Variants in KCNU1 observed in about 807,000 individuals in gnomAD.
KCNU1 encodes potassium calcium-activated channel subfamily U member 1, also known as potassium channel subfamily U member 1.
KCNU1 carries 93 observed loss-of-function variants against 126.8 expected under a neutral mutation model. The ratio of observed to expected loss-of-function variants is 0.73; its 90% CI spans 0.62 to 0.87. KCNU1 has a LOEUF of 0.87. KCNU1 is among the 40% of genes least tolerant of loss of function. The pLI is 0.00. For synonymous variants in KCNU1, 523 were observed against 494.2 expected (o/e 1.06, Z -0.77); for missense variants, 1,330 against 1,367.1 (o/e 0.97, Z 0.43).
intron 19 of KCNU1, among the ~76,000 whole-genome samples, chr8:36,882,240 C>T (rs988748126): frequency 6.6e-6 from 1 of 152,208 alleles, no homozygotes. Flanking sequence ...TTACCAATCA[C>T]ACCTGAAACC....
At chr8:36,918,944 T>C in intron 23 of KCNU1, 47 bp downstream of exon 23, 1 of 1,159,006 alleles carries the variant, frequency 8.6e-7, no homozygotes, top group East Asian at 2.3e-5. Flanking sequence ...ATTTTTGTGA[T>C]ATATAATTTA....
intron 6 of KCNU1, among the ~76,000 whole-genome samples, chr8:36,807,813 T>TA (rs5890879): frequency 0.24 from 35,144 of 147,038 alleles, 4,772 homozygotes; most frequent in African/African-American, 0.37. Context: ...CCTGGCTAGG[T>TA]AAAAAAAAAA....
At chr8:36,869,371 A>G (rs911600564) in intron 19 of KCNU1, among the ~76,000 whole-genome samples, 6 of 152,168 alleles carry the variant, frequency 3.9e-5, no homozygotes, top group Non-Finnish European at 7.4e-5. Context: ...CTTATGGCCC[A>G]TATTGAAATC....
At chr8:36,800,531 T>A (rs944830005) in intron 2 of KCNU1, among the ~76,000 whole-genome samples, 1 of 152,228 alleles carries the variant, frequency 6.6e-6, no homozygotes. Flanking sequence ...AAGAGGTTCC[T>A]CCTCTGAGAG....
intron 2 of KCNU1, among the ~76,000 whole-genome samples, chr8:36,796,890 A>T (rs1351243100): frequency 1.3e-5 from 2 of 152,046 alleles, no homozygotes; most frequent in African/African-American, 2.4e-5. Context: ...GATCTATTTT[A>T]TTGGTATTTA....
intron 21 of KCNU1, 95 bp from the exon 22 acceptor site, chr8:36,910,834 CA>C: frequency 1.2e-6 from 1 of 842,644 alleles, no homozygotes; most frequent in Non-Finnish European, 1.8e-6. Context: ...GCTCAAAGCT[CA>C]AAAATTACAT....
intron 19 of KCNU1, among the ~76,000 whole-genome samples, chr8:36,882,357 C>A (rs1472803309): frequency 6.6e-6 from 1 of 152,114 alleles, no homozygotes; most frequent in Non-Finnish European, 1.5e-5. Flanking sequence ...TGTCCTTAAC[C>A]CAGAGACAGA....
At chr8:36,820,564 T>A (rs1804084862) in intron 10 of KCNU1, among the ~76,000 whole-genome samples, 1 of 151,370 alleles carries the variant, frequency 6.6e-6, no homozygotes, top group African/African-American at 2.4e-5. Flanking sequence ...CAAAAGAAAG[T>A]CATTTACTCT....
chr8:36,924,951 G>T (rs1808484929), intron 24 of KCNU1, among the ~76,000 whole-genome samples: 1 of 152,142 alleles, frequency 6.6e-6, no homozygotes, highest in Non-Finnish European at 1.5e-5. Flanking sequence ...ACAGGGAAGG[G>T]CTGGAAGAGT....
rs183027497 is a variant in KCNU1 at position 36,802,824 on chromosome 8, A to C, written c.316-1203A>C. Among the ~76,000 whole-genome samples, 15 of 152,258 alleles carry C rather than the reference A, an allele frequency of 9.9e-5. No individual in the cohort carries two copies. In the East Asian group the frequency reaches 2.9e-3, roughly 29 times the overall value. On this transcript the variant is annotated intron_variant, in intron 2 of 26. Coordinates refer to ENST00000399881, the MANE Select transcript of KCNU1 (RefSeq NM_001031836.3). ...TGCATATTAATTATCTTCATTTGTC[A>C]TCCAGGCTGTGATGTCAATGTGGGG...
At chr8:36,905,928 A>G (rs1439253654) in intron 20 of KCNU1, 124 bp downstream of exon 20, 2 of 567,418 alleles carry the variant, frequency 3.5e-6, no homozygotes, top group African/African-American at 2.0e-5. Flanking sequence ...CAAAAAAAGA[A>G]AAAAACCCAC....
chr8:36,891,321 TC>T (rs1806953398), intron 19 of KCNU1, among the ~76,000 whole-genome samples: 1 of 152,058 alleles, frequency 6.6e-6, no homozygotes, highest in Admixed American at 6.6e-5. Flanking sequence ...TAGCTCCATT[TC>T]TTTGCCCAAC....
chr8:36,822,638 T>C (rs908837865), intron 10 of KCNU1, among the ~76,000 whole-genome samples: 1 of 152,186 alleles, frequency 6.6e-6, no homozygotes, highest in African/African-American at 2.4e-5. Flanking sequence ...AAATAAAATA[T>C]TAACTTATAT....
intron 26 of KCNU1, among the ~76,000 whole-genome samples, chr8:36,934,715 G>T (rs1186738827): frequency 6.6e-6 from 1 of 152,070 alleles, no homozygotes; most frequent in Non-Finnish European, 1.5e-5. Context: ...TGAGATCTAT[G>T]CTAGGAAAGA....
intron 4 of KCNU1, among the ~76,000 whole-genome samples, chr8:36,805,967 C>CTGGGTAGCTGGGATTA (rs1711806981): frequency 1.3e-5 from 2 of 152,154 alleles, no homozygotes; most frequent in African/African-American, 2.4e-5. Flanking sequence ...CTTCGGCCTC[C>CTGGGTAGCTGGGATTA]TGGGTAGCTG....
chr8:36,809,220 C>T (rs74738626), intron 7 of KCNU1, among the ~76,000 whole-genome samples: 5,837 of 152,178 alleles, frequency 0.038, 163 homozygotes, highest in Middle Eastern at 0.16. Flanking sequence ...CTTTCTTGAT[C>T]CTCCTGAAAT....
At chr8:36,826,501 C>T (rs576584862) in intron 10 of KCNU1, among the ~76,000 whole-genome samples, 330 of 152,238 alleles carry the variant, frequency 2.2e-3, no homozygotes, top group African/African-American at 7.6e-3. Flanking sequence ...TGAGCCACTG[C>T]GCTAGGCCGT....
chr8:36,896,959 A>G (rs965409905), intron 19 of KCNU1, among the ~76,000 whole-genome samples: 2 of 151,988 alleles, frequency 1.3e-5, no homozygotes, highest in African/African-American at 4.8e-5. Context: ...CACAGTACAC[A>G]ATTTTTCATC....
intron 19 of KCNU1, 98 bp from the exon 20 acceptor site, chr8:36,905,607 TCTC>T (rs1002170806): frequency 5.3e-6 from 4 of 751,616 alleles, no homozygotes; most frequent in African/African-American, 5.1e-5. Context: ...CTTATGCTAT[TCTC>T]CTCTTTGAGC....
Sources: allele counts gnomAD v4.1 joint callset (sites outside exome capture counted in the v4.1 genomes callset), GRCh38; gene constraint gnomAD v4.1.1; transcripts MANE v1.5; gene names NCBI Gene and HGNC (gene_info 2026-07-23, HGNC 2026-07-21).